Variants in MYO19 observed in about 807,000 individuals in gnomAD.
MYO19 encodes the protein myosin XIX.
A neutral mutation model predicts 129.2 loss-of-function variants in MYO19; 132 were observed. The observed-to-expected ratio is 1.02, with a 90% CI of 0.89 to 1.18. The LOEUF is 1.18. Among genes scored for constraint, MYO19 ranks in the 50% most tolerant of loss-of-function variants. The pLI is 0.00. For synonymous variants in MYO19, 531 were observed against 477.2 expected, an observed-to-expected ratio of 1.11 and a Z score of -1.47; for missense variants, 1,210 against 1,216.7, an observed-to-expected ratio of 0.99 and a Z score of 0.08.
intron 19 of MYO19, 149 bp downstream of exon 19, chr17:36,505,147 CA>C (rs2071791085): frequency 1.2e-6 from 1 of 801,296 alleles, no homozygotes; most frequent in African/African-American, 1.7e-5. Context: ...CCTGCCACAG[CA>C]AGGGAGATGG....
chr17:36,502,418 C>T (rs1394780250), intron 21 of MYO19, among the ~76,000 whole-genome samples: 2 of 152,152 alleles, frequency 1.3e-5, no homozygotes, highest in Non-Finnish European at 2.9e-5. Flanking sequence ...TTAATTTACT[C>T]CTTTCCTCTC....
chr17:36,499,106 G>A lies in MYO19; in HGVS notation c.2432C>T (p.Thr811Ile), dbSNP rs2071267400. 1.9e-6 allele frequency: 3 copies of A among 1,610,638 alleles called. No homozygotes were observed. Among genetic ancestry groups the A allele is most frequent in the Admixed American group, 1.7e-5 (1 of 59,686 alleles). The stretch of plus-strand genomic sequence containing the variant: ...CTTCTGCCATGCACGCTTGATGACT[G>A]TGGCAGCTGCATGCAGCCTCTGGAT... ...KHIQRLHAAA[T>I]VIKRAWQKWR... Residue 811 changes from threonine to isoleucine, a missense_variant, in exon 24 of 26, where the codon ACA becomes ATA. Physicochemically the swap from Thr to Ile is moderately conservative, Grantham distance 89 (BLOSUM62 -1). Transcript: ENST00000614623.
chr17:36,503,136 A>G lies in MYO19; in HGVS notation c.2041T>C (p.Ser681Pro). The change falls in exon 21 of 26, where the codon TCT becomes CCT. Residue 681 changes from serine to proline, a missense_variant. Coordinates refer to ENST00000614623, the MANE Select transcript of MYO19 (RefSeq NM_001163735.2). ...LLRRLHPCTS[S>P]GPDSPYPAKG... ...GCAGGATATGGGCTGTCGGGGCCAG[A>G]GGATGTGCAAGGATGAAGCCTTCTT... 6.2e-7 allele frequency: 1 copy of G among 1,614,028 alleles called. No homozygotes were observed. The highest frequency in any genetic ancestry group is 8.5e-7 in the Non-Finnish European group (1 of 1,179,890).
chr17:36,538,821 T>G, upstream of MYO19: 1 of 494,872 alleles, frequency 2.0e-6, no homozygotes, highest in Non-Finnish European at 3.6e-6. Context: ...TGGTGCCATC[T>G]CAGCTCACTG....
intron 3 of MYO19, among the ~76,000 whole-genome samples, chr17:36,530,964 G>A (rs1216509254): frequency 6.6e-6 from 1 of 152,158 alleles, no homozygotes; most frequent in Non-Finnish European, 1.5e-5. Context: ...ACGGCTGGGT[G>A]CGGTGGCTCA....
upstream of MYO19, chr17:36,537,297 G>C (rs2074154517): frequency 1.5e-5 from 24 of 1,613,476 alleles, no homozygotes; most frequent in Non-Finnish European, 2.0e-5. Flanking sequence ...TGTCCTAATA[G>C]TTCCCATGGT....
In MYO19 at chr17:36,507,288, A is replaced by G. The variant is rs1023578255; in HGVS notation, c.1467+111T>C. 345 of 1,421,870 alleles carry G rather than the reference A, an allele frequency of 2.4e-4. 1 individual carries two copies. The highest frequency in any genetic ancestry group is 3.5e-5 in the Non-Finnish European group (36 of 1,028,302). The allele number at this position is 1,421,870 out of a possible 1,614,324, so 88.1% of individuals were successfully genotyped here. A position where few individuals can be genotyped will look rare whatever the true frequency, so the allele number is the denominator to read the frequency against. On this transcript the variant is annotated intron_variant, in intron 16 of 25. Transcript: ENST00000614623. The stretch of plus-strand genomic sequence containing the variant: ...AAAAAATATAGCAATTAGCAGATCT[A>G]TTTGGCAGACTGGGAGGAGAGAGGC...
upstream of MYO19, chr17:36,537,566 A>C (rs2142616280): frequency 1.2e-6 from 2 of 1,613,978 alleles, no homozygotes. Context: ...TTCCCAGAAG[A>C]TTTGCCAAAA....
At chr17:36,537,774 T>C, upstream of MYO19, 1 of 1,614,214 alleles carries the variant, frequency 6.2e-7, no homozygotes, top group East Asian at 2.2e-5. Flanking sequence ...ATCAATAGGC[T>C]ATCAGGAACA....
At chr17:36,530,404 A>G (rs927155244) in intron 3 of MYO19, among the ~76,000 whole-genome samples, 2 of 151,302 alleles carry the variant, frequency 1.3e-5, no homozygotes, top group African/African-American at 4.9e-5. Context: ...TAGAAAGGCC[A>G]TCTGGAATCT....
rs144188981 is a variant in MYO19 at position 36,527,106 on chromosome 17, C to T, written c.300+445G>A. Among the ~76,000 whole-genome samples the T allele has an allele frequency of 6.6e-5, 10 of 152,020 alleles. No homozygotes were observed. In the East Asian group the frequency reaches 1.3e-3, roughly 21 times the overall value. ...GCTTGAACTCAGGAGGTGGAGGTTG[C>T]GCTGAGCCCAGATCATGCCATTGCA... On this transcript the variant is annotated intron_variant, in intron 5 of 25. Transcript: ENST00000614623.
At chr17:36,527,442 TGAA>T in intron 5 of MYO19, 106 bp downstream of exon 5, 1 of 1,311,248 alleles carries the variant, frequency 7.6e-7, no homozygotes, top group Non-Finnish European at 1.0e-6. Flanking sequence ...TAGCAGACTC[TGAA>T]TGACCACATT....
At chr17:36,503,271 C>G in intron 20 of MYO19, 71 bp from the exon 21 acceptor site, 1 of 1,235,484 alleles carries the variant, frequency 8.1e-7, no homozygotes, top group Non-Finnish European at 1.2e-6. Flanking sequence ...CAGGGCTCAT[C>G]AGAAGTTATT....
upstream of MYO19, chr17:36,535,575 G>A (rs903764181): frequency 3.3e-5 from 5 of 152,290 alleles, no homozygotes; most frequent in Admixed American, 1.3e-4. Flanking sequence ...TCTGCTGGGG[G>A]CGCCGGCACC....
At chr17:36,520,253 G>A (rs1416266733) in intron 6 of MYO19, among the ~76,000 whole-genome samples, 1 of 152,102 alleles carries the variant, frequency 6.6e-6, no homozygotes, top group East Asian at 1.9e-4. Flanking sequence ...TGGGATTACA[G>A]GCGTGAACTA....
upstream of MYO19, chr17:36,538,137 G>A (rs760113520): frequency 3.7e-6 from 6 of 1,613,944 alleles, no homozygotes; most frequent in Admixed American, 1.7e-5. Context: ...TCTTTTACTG[G>A]CAGCTATTAG....
intron 6 of MYO19, among the ~76,000 whole-genome samples, chr17:36,522,364 C>T (rs1452869752): frequency 3.3e-5 from 5 of 151,354 alleles, no homozygotes; most frequent in Middle Eastern, 3.2e-3. Flanking sequence ...AAAAATTAGC[C>T]GGGCCTGGTG....
Position 36,532,660 on chromosome 17 carries a change from C to G in MYO19, c.-122G>C. 1.6e-6 allele frequency: 2 copies of G among 1,213,442 alleles called. No individual in the cohort carries two copies. Among genetic ancestry groups the G allele is most frequent in the Admixed American group, 4.0e-5 (2 of 49,690 alleles). The allele number at this position is 1,213,442 out of a possible 1,614,324, so 75.2% of individuals were successfully genotyped here. A position where few individuals can be genotyped will look rare whatever the true frequency, so the allele number is the denominator to read the frequency against. On this transcript the variant is annotated 5_prime_UTR_variant, in exon 3 of 26. Transcript: ENST00000614623. ...ACAAAGGGCTCAGTTCTGGAGGAAT[C>G]TCAGACAAGTCACTCCAGCGCCTGT...
rs1309168040 is a variant in MYO19 at position 36,515,903 on chromosome 17, T to A, written c.502A>T (p.Ile168Leu). ...TTGGAGTTCAGGATCCTCTGTTCTATCCTCTCTGCAATCTTGTGGCTCTCC... is the reference window on the plus strand; with the variant it reads ...TTGGAGTTCAGGATCCTCTGTTCTAACCTCTCTGCAATCTTGTGGCTCTCC... ...SWESHKIAER[I>L]EQRILNSNPV... is the part of the protein sequence containing the mutation. Residue 168 changes from isoleucine to leucine, a missense_variant, in exon 7 of 26, where the codon ATA (isoleucine) becomes TTA (leucine). By Grantham distance (5) the Ile-to-Leu change is conservative. Coordinates refer to ENST00000614623, the MANE Select transcript of MYO19 (RefSeq NM_001163735.2). 6.2e-7 allele frequency: 1 copy of A among 1,613,750 alleles called. No homozygotes were observed. The highest frequency in any genetic ancestry group is 1.7e-5 in the Admixed American group (1 of 59,988).
Sources: gnomAD v4.1 joint callset for allele counts (sites outside exome capture counted in the v4.1 genomes callset) on GRCh38, gnomAD v4.1.1 for gene constraint, MANE v1.5 for transcripts, NCBI Gene and HGNC (gene_info 2026-07-23, HGNC 2026-07-21) for gene names.